Variants in ANKAR observed in about 807,000 individuals in gnomAD.
The protein encoded by ANKAR is ankyrin and armadillo repeat-containing protein.
Under a neutral mutation model 146.2 loss-of-function variants are expected in ANKAR, and 136 were observed. The observed-to-expected ratio is 0.93, with a 90% CI of 0.81 to 1.07. The LOEUF is 1.07. Among genes scored for constraint, ANKAR ranks in the 50% least tolerant of loss-of-function variants. ANKAR has a pLI of 0.00. For missense variants in ANKAR, 1,567 were observed against 1,679.9 expected (o/e 0.93, Z 1.18); for synonymous variants, 500 against 575.8 (o/e 0.87, Z 1.88).
intron 20 of ANKAR, 134 bp from the exon 21 acceptor site, chr2:189,743,141 A>C (rs1574764399): frequency 1.3e-6 from 1 of 770,210 alleles, no homozygotes; most frequent in South Asian, 1.9e-5. Flanking sequence ...ATACACTGCC[A>C]TTTGTTTGCA....
chr2:189,682,981 G>A (rs1409043472), intron 2 of ANKAR, among the ~76,000 whole-genome samples: 1 of 152,184 alleles, frequency 6.6e-6, no homozygotes, highest in African/African-American at 2.4e-5. Context: ...TAGGACATGG[G>A]ACCATTGGAG....
chr2:189,718,114 G>C (rs2040743238), intron 10 of ANKAR, among the ~76,000 whole-genome samples: 1 of 151,904 alleles, frequency 6.6e-6, no homozygotes, highest in Admixed American at 6.6e-5. Flanking sequence ...CTACCCCATA[G>C]GATTGTTTTG....
intron 15 of ANKAR, among the ~76,000 whole-genome samples, chr2:189,730,025 G>T (rs1350502175): frequency 6.6e-6 from 1 of 151,442 alleles, no homozygotes; most frequent in Non-Finnish European, 1.5e-5. Flanking sequence ...GTTTAGGCCT[G>T]CAATTTAAAG....
chr2:189,726,903 A>G (rs1256073366), intron 12 of ANKAR, among the ~76,000 whole-genome samples: 1 of 152,192 alleles, frequency 6.6e-6, no homozygotes. Flanking sequence ...CAATATGGCA[A>G]TATATTAAAA....
At chr2:189,675,101 A>T (rs945449551) in intron 1 of ANKAR, among the ~76,000 whole-genome samples, 1 of 152,020 alleles carries the variant, frequency 6.6e-6, no homozygotes, top group Non-Finnish European at 1.5e-5. Context: ...TAAAACGCAT[A>T]TTTTCTGGCC....
In ANKAR at chr2:189,727,523, C is replaced by CAAAAAAAAAA. The variant is rs777516459; in HGVS notation, c.2636-319_2636-310dup. 3.4e-5 allele frequency among the ~76,000 whole-genome samples: 2 copies of CAAAAAAAAAA among 58,904 alleles called. 1 individual carries two copies. Among genetic ancestry groups the CAAAAAAAAAA allele is most frequent in the Non-Finnish European group, 5.7e-5 (2 of 35,136 alleles). The allele number at this position is 58,904 out of a possible 152,430, so 38.6% of individuals were successfully genotyped here. On this transcript the variant is annotated intron_variant, in intron 12 of 22. Coordinates refer to ENST00000684021, the MANE Select transcript of ANKAR (RefSeq NM_001378068.1). ...TGGGTGATAGAGCCAAACCTTGTCTCAAAAAAAAAAAAAAAAAAAAAAAGG... is the reference window on the plus strand; with the variant it reads ...TGGGTGATAGAGCCAAACCTTGTCTCAAAAAAAAAAAAAAAAAAAAAAAAAAAAAAAAAGG...
At chr2:189,738,888 A>C (rs1176801641) in intron 19 of ANKAR, among the ~76,000 whole-genome samples, 1 of 152,196 alleles carries the variant, frequency 6.6e-6, no homozygotes, top group Non-Finnish European at 1.5e-5. Context: ...GAAGCTGAGT[A>C]ACTCTGAATA....
intron 15 of ANKAR, 91 bp from the exon 16 acceptor site, chr2:189,730,404 T>C (rs1388564436): frequency 1.6e-6 from 1 of 643,038 alleles, no homozygotes; most frequent in Non-Finnish European, 2.6e-6. Context: ...TACCTTAGAA[T>C]GCTTTGTCAA....
chr2:189,699,932 C>T (rs1017130150), intron 7 of ANKAR, among the ~76,000 whole-genome samples: 4 of 152,180 alleles, frequency 2.6e-5, no homozygotes, highest in African/African-American at 4.8e-5. Context: ...TCCCAAAGTG[C>T]TGAGATTACA....
rs376540691 is a variant in ANKAR, at chr2:189,705,258, T to C, written c.1910+34T>C. The C allele has an allele frequency of 3.2e-6, 5 of 1,582,082 alleles. No homozygotes were observed. The African/African-American group carries it at 5.7e-5, about 18-fold the overall frequency. On this transcript the variant is annotated intron_variant, in intron 8 of 22. Transcript: ENST00000684021. ...TTAAGCATTTATATCAGGTTGAGGT[T>C]GATGTCTAGGCAATAATAAAAAAAA...
At chr2:189,703,140 T>C (rs552787716) in intron 7 of ANKAR, among the ~76,000 whole-genome samples, 2 of 152,314 alleles carry the variant, frequency 1.3e-5, no homozygotes, top group South Asian at 4.1e-4. Context: ...TAGTTGTAGC[T>C]GGTGCTTCAA....
At chr2:189,759,197 A>T (rs1447506258) in intron 18 of ANKAR, among the ~76,000 whole-genome samples, 1 of 152,062 alleles carries the variant, frequency 6.6e-6, no homozygotes, top group Non-Finnish European at 1.5e-5. Flanking sequence ...GCCTCTTTAC[A>T]TACATTATTT....
rs112101132 is a variant in ANKAR at position 189,744,761 on chromosome 2, C to T, written c.4030C>T (p.Pro1344Ser). The change falls in exon 22 of 23, where the codon CCA becomes TCA. Residue 1344 changes from proline (P) to serine (S), a missense_variant. By Grantham distance (74) the Pro-to-Ser change is moderately conservative. Transcript: ENST00000684021. Reference protein sequence around the residue: ...PSLSLEKNGGPSIIPIFKRGK... With the variant: ...PSLSLEKNGGSSIIPIFKRGK... ...TTTTAGTCTGGAGAAGAATGGAGGA[C>T]CATCCATAATTCCTATCTTTAAAAG... The T allele has an allele frequency of 1.9e-6, 3 of 1,595,638 alleles. No homozygotes were observed. The highest frequency in any genetic ancestry group is 2.7e-5 in the African/African-American group (2 of 74,298).
chr2:189,725,279 TACACACACACACACACACACAC>T (rs10546393), intron 12 of ANKAR, among the ~76,000 whole-genome samples: 5 of 146,466 alleles, frequency 3.4e-5, no homozygotes, highest in Admixed American at 2.7e-4. Context: ...TATGGATTTA[TACACACACACACACACACACAC>T]ACACACACAC....
chr2:189,734,960 T>C (rs936457816), intron 17 of ANKAR, among the ~76,000 whole-genome samples: 2 of 150,996 alleles, frequency 1.3e-5, no homozygotes, highest in African/African-American at 4.9e-5. Flanking sequence ...CTAGACTCCA[T>C]CTCAAAAAAG....
chr2:189,740,945 C>T (rs1208952035), intron 19 of ANKAR, among the ~76,000 whole-genome samples: 6 of 152,184 alleles, frequency 3.9e-5, no homozygotes, highest in African/African-American at 1.2e-4. Context: ...CTGCCCACCT[C>T]GGTCTCCCAA....
Position 189,737,755 on chromosome 2 carries a change from T to C in ANKAR, c.3496T>C (p.Leu1166=), listed in dbSNP as rs764189214. The C allele has an allele frequency of 1.2e-6, 2 of 1,600,292 alleles. No homozygotes were observed. Among genetic ancestry groups the C allele is most frequent in the African/African-American group, 1.3e-5 (1 of 74,224 alleles). ...TAATCGCTTTCAACAATACTTAATA[T>C]TGGAAAGTGGAATAATGACCATATC... is the stretch of plus-strand genomic sequence containing the variant. The part of the protein sequence containing the change: ...FNNRFQQYLI[L]ESGIMTISIF... Residue 1166 remains leucine (L), a synonymous_variant, in exon 18 of 23, where the codon TTG becomes CTG. Transcript: ENST00000684021.
At chr2:189,683,332 C>T (rs770705253) in intron 2 of ANKAR, among the ~76,000 whole-genome samples, 23 of 152,278 alleles carry the variant, frequency 1.5e-4, no homozygotes, top group Non-Finnish European at 2.9e-4. Flanking sequence ...AGGGTTAACT[C>T]GCTCATGCTT....
intron 7 of ANKAR, among the ~76,000 whole-genome samples, chr2:189,698,254 T>C (rs2037534135): frequency 6.6e-6 from 1 of 152,216 alleles, no homozygotes; most frequent in Non-Finnish European, 1.5e-5. Context: ...TTTTGAAGCA[T>C]AAATTACTTT....
Sources: gnomAD v4.1 joint callset for allele counts (sites outside exome capture counted in the v4.1 genomes callset) on GRCh38, gnomAD v4.1.1 for gene constraint, MANE v1.5 for transcripts, NCBI Gene and HGNC (gene_info 2026-07-23, HGNC 2026-07-21) for gene names.